The following PDZD2 variants were observed in gnomAD, a reference collection of about 807,000 sequenced individuals.
The protein encoded by PDZD2 is PDZ domain containing 2, also known as PDZ domain-containing protein 2.
Under a neutral mutation model 220.7 loss-of-function variants are expected in PDZD2, and 90 were observed. The observed-to-expected ratio is 0.41, with a 90% CI of 0.34 to 0.49. The LOEUF (loss-of-function observed/expected upper bound fraction) is 0.49. PDZD2 is among the 20% of genes least tolerant of loss of function. The pLI, the probability that PDZD2 is intolerant of heterozygous loss-of-function variation, is 0.28. For synonymous variants in PDZD2, 1,375 were observed against 1,450.5 expected (o/e 0.95, Z 1.18); for missense variants, 3,174 against 3,608.5 (o/e 0.88, Z 3.08).
In PDZD2 at chr5:32,098,320, T is replaced by G; in HGVS notation, c.7948-44T>G. 6.3e-7 allele frequency: 1 copy of G among 1,591,346 alleles called. No homozygotes were observed. Among genetic ancestry groups the G allele is most frequent in the South Asian group, 1.1e-5 (1 of 88,834 alleles). On this transcript the variant is annotated intron_variant, in intron 22 of 24. Coordinates refer to ENST00000438447, the MANE Select transcript of PDZD2 (RefSeq NM_178140.4). The surrounding 1 kb of genome is among the most constrained non-coding windows in gnomAD (Gnocchi z 4.1). ...ACTATCTCCCTTTTACCGGAAATCG[T>G]AAGTGGATCTGGTTTTTGTTCCCTT...
chr5:31,914,629 CT>C (rs1743517754), intron 2 of PDZD2, among the ~76,000 whole-genome samples: 1 of 152,182 alleles, frequency 6.6e-6, no homozygotes, highest in Non-Finnish European at 1.5e-5. Context: ...AACTTTGAAA[CT>C]TTCAGAGGAC....
chr5:32,012,221 A>T (rs969464990), intron 6 of PDZD2, among the ~76,000 whole-genome samples: 3 of 151,966 alleles, frequency 2.0e-5, no homozygotes, highest in Non-Finnish European at 4.4e-5. Context: ...GTGCCCGGAG[A>T]CATCTCAGCC....
chr5:32,079,672 ATGTTGGCGGGCGCC>A (rs1344832077), intron 19 of PDZD2, among the ~76,000 whole-genome samples: 3 of 151,926 alleles, frequency 2.0e-5, no homozygotes, highest in Non-Finnish European at 4.4e-5. Context: ...TTAGCTGGGC[ATGTTGGCGGGCGCC>A]TGTAATCCCA....
intron 1 of PDZD2, among the ~76,000 whole-genome samples, chr5:31,648,843 G>A (rs1745231181): frequency 1.3e-5 from 2 of 151,872 alleles, no homozygotes; most frequent in South Asian, 2.1e-4. Flanking sequence ...TTGGAACATC[G>A]TTATCCCTCG....
chr5:31,665,474 G>T (rs2150114499), intron 1 of PDZD2, among the ~76,000 whole-genome samples: 1 of 152,206 alleles, frequency 6.6e-6, no homozygotes, highest in Non-Finnish European at 1.5e-5. Context: ...ATACGGTTTG[G>T]CTCTGTGTCC....
intron 2 of PDZD2, among the ~76,000 whole-genome samples, chr5:31,896,876 G>C (rs552617557): frequency 1.5e-4 from 23 of 152,348 alleles, no homozygotes; most frequent in South Asian, 1.0e-3. Context: ...AGGATTGCTT[G>C]AGCCTGGGAG....
chr5:31,926,890 T>TA (rs373253336), intron 2 of PDZD2, among the ~76,000 whole-genome samples: 4 of 152,018 alleles, frequency 2.6e-5, no homozygotes, highest in East Asian at 1.9e-4. Flanking sequence ...GACACAGTCA[T>TA]AAAAAAAATG....
intron 2 of PDZD2, among the ~76,000 whole-genome samples, chr5:31,801,923 G>C (rs1754415989): frequency 6.6e-6 from 1 of 152,136 alleles, no homozygotes; most frequent in South Asian, 2.1e-4. Context: ...CCTGGGATGA[G>C]ATGACTTTCC....
rs779164028 is a variant in PDZD2, at chr5:32,074,656, C to T, written c.3537+13C>T. 6 of 1,552,826 alleles carry T rather than the reference C, an allele frequency of 3.9e-6. No individual in the cohort carries two copies. The highest frequency in any genetic ancestry group is 1.8e-5 in the Admixed American group (1 of 54,520). On this transcript the variant is annotated intron_variant, in intron 18 of 24. Coordinates refer to ENST00000438447, the MANE Select transcript of PDZD2 (RefSeq NM_178140.4). ...AGCTGTGGAGAAGGTAACTGACTTT[C>T]TCTTAGTTACTTGGAATGGAAGTGC...
rs558613004 is a variant in PDZD2, at chr5:32,024,877, C to T, written c.1408-12354C>T. ...TCTGCCTTTGTACTTTGAAAGCAGCCATAAACAATAAATAAATGGGCATGA... is the reference window on the plus strand; with the variant it reads ...TCTGCCTTTGTACTTTGAAAGCAGCTATAAACAATAAATAAATGGGCATGA... On this transcript the variant is annotated intron_variant, in intron 6 of 24. Transcript: ENST00000438447. Among the ~76,000 whole-genome samples, 12 of 152,236 alleles carry T rather than the reference C, an allele frequency of 7.9e-5. No homozygotes were observed. In the South Asian group the frequency reaches 2.5e-3, roughly 32 times the overall value.
rs1052134885 is a variant in PDZD2 at position 31,815,395 on chromosome 5, A to G, written c.476+15671A>G. 5.3e-5 allele frequency among the ~76,000 whole-genome samples: 8 copies of G among 152,314 alleles called. No homozygotes were observed. In the East Asian group the frequency reaches 1.3e-3, roughly 26 times the overall value. On this transcript the variant is annotated intron_variant, in intron 2 of 24. Transcript: ENST00000438447. The stretch of plus-strand genomic sequence containing the variant: ...GTATAGAATGTAGATTTTCCCCACA[A>G]GAGACAGCTTTGCAGGGCTGTTTCA...
chr5:31,862,685 A>G (rs1397590684), intron 2 of PDZD2, among the ~76,000 whole-genome samples: 2 of 150,642 alleles, frequency 1.3e-5, no homozygotes, highest in Non-Finnish European at 3.0e-5. Flanking sequence ...CTCAGCCTCC[A>G]TAGTAGCTGG....
chr5:31,805,902 T>C (rs1201042558), intron 2 of PDZD2, among the ~76,000 whole-genome samples: 2 of 152,186 alleles, frequency 1.3e-5, no homozygotes, highest in East Asian at 1.9e-4. Flanking sequence ...GTTATGCTGC[T>C]GAAAGCCAAG....
chr5:32,109,725 T>TTAAA lies in PDZD2; in HGVS notation c.*1594_*1597dup, dbSNP rs1225796396. The TTAAA allele has an allele frequency of 1.3e-5, 2 of 152,276 alleles. No individual in the cohort carries two copies. The highest frequency in any genetic ancestry group is 2.4e-5 in the African/African-American group (1 of 41,420). The allele number at this position is 152,276 out of a possible 1,614,324, so 9.4% of individuals were successfully genotyped here. ...AAGATTTTATGTTGGAGATACTTCTTTAAATAACCTACAGCTTGGGTCTAT... is the reference window on the plus strand; with the variant it reads ...AAGATTTTATGTTGGAGATACTTCTTTAAATAAATAACCTACAGCTTGGGTCTAT... On this transcript the variant is annotated 3_prime_UTR_variant, in exon 25 of 25. Transcript: ENST00000438447.
chr5:31,977,225 C>A (rs1749870514), intron 2 of PDZD2, among the ~76,000 whole-genome samples: 1 of 152,132 alleles, frequency 6.6e-6, no homozygotes, highest in Non-Finnish European at 1.5e-5. Flanking sequence ...CATGGGTTCA[C>A]ACTATGTGAC....
At chr5:31,985,006 G>A (rs1750602066) in intron 3 of PDZD2, among the ~76,000 whole-genome samples, 1 of 151,688 alleles carries the variant, frequency 6.6e-6, no homozygotes, top group Non-Finnish European at 1.5e-5. Context: ...CATAAAGTTG[G>A]ACACAGAGAA....
rs1581143177 is a variant in PDZD2 at position 31,949,670 on chromosome 5, T to C, written c.477-33485T>C. ...TAAGATAGCATTGCCATTTTTAGCT[T>C]TTTTTTTTTTTTTTTTTAACAAGAC... On this transcript the variant is annotated intron_variant, in intron 2 of 24. Transcript: ENST00000438447. Among the ~76,000 whole-genome samples the C allele has an allele frequency of 1.0e-4, 4 of 38,730 alleles. No individual in the cohort carries two copies. The Admixed American group carries it at 1.1e-3, about 11-fold the overall frequency. The allele number at this position is 38,730 out of a possible 152,430, so 25.4% of individuals were successfully genotyped here. A position where few individuals can be genotyped will look rare whatever the true frequency, so the allele number is the denominator to read the frequency against.
chr5:31,982,208 G>A (rs901770749), intron 2 of PDZD2, among the ~76,000 whole-genome samples: 5 of 152,232 alleles, frequency 3.3e-5, no homozygotes, highest in African/African-American at 1.2e-4. Flanking sequence ...TGTGTGCTGT[G>A]ATCAGCCTAA....
chr5:31,663,108 A>G (rs892108307), intron 1 of PDZD2, among the ~76,000 whole-genome samples: 10 of 152,198 alleles, frequency 6.6e-5, no homozygotes, highest in African/African-American at 2.4e-4. Context: ...CTTGGACCTC[A>G]CTTTCTGTCT....
Sources: gnomAD v4.1 joint callset for allele counts (sites outside exome capture counted in the v4.1 genomes callset) on GRCh38, gnomAD v4.1.1 for gene constraint, Gnocchi (gnomAD v3.1) non-coding constraint, MANE v1.5 for transcripts, NCBI Gene and HGNC (gene_info 2026-07-23, HGNC 2026-07-21) for gene names.